The following COG5 variants were observed in gnomAD, a reference collection of about 807,000 sequenced individuals.
The protein encoded by COG5 is conserved oligomeric Golgi complex subunit 5.
COG5 carries 86 observed loss-of-function variants against 110.4 expected under a neutral mutation model. The ratio of observed to expected loss-of-function variants is 0.78; its 90% CI spans 0.65 to 0.93. COG5 has a LOEUF of 0.93. Ranked by LOEUF, COG5 falls within the 40% of genes least tolerant of loss-of-function variation. The pLI is 0.00. For synonymous variants in COG5, 360 were observed against 334.6 expected (o/e 1.08, Z -0.83); for missense variants, 1,077 against 987.0 (o/e 1.09, Z -1.22).
chr7:107,404,690 G>C (rs1451645307), intron 7 of COG5, among the ~76,000 whole-genome samples: 1 of 151,866 alleles, frequency 6.6e-6, no homozygotes, highest in Non-Finnish European at 1.5e-5. Context: ...GACAGTATAA[G>C]GGAAATGAGG....
chr7:107,310,819 G>A (rs1306794604), intron 11 of COG5, among the ~76,000 whole-genome samples: 1 of 152,128 alleles, frequency 6.6e-6, no homozygotes, highest in African/African-American at 2.4e-5. Flanking sequence ...ACAAAGGCCT[G>A]TCAGCAATGG....
chr7:107,510,463 C>T (rs534462723), intron 6 of COG5, among the ~76,000 whole-genome samples: 62 of 152,266 alleles, frequency 4.1e-4, no homozygotes, highest in African/African-American at 1.3e-3. Flanking sequence ...ACTTTAACAA[C>T]CCACTGTCAA....
At chr7:107,488,737 C>G (rs771726906) in intron 6 of COG5, among the ~76,000 whole-genome samples, 1 of 152,034 alleles carries the variant, frequency 6.6e-6, no homozygotes, top group African/African-American at 2.4e-5. Flanking sequence ...GTACCAACTA[C>G]TCAAGAGCCT....
chr7:107,311,608 T>C (rs902345884), intron 11 of COG5, among the ~76,000 whole-genome samples: 1 of 150,758 alleles, frequency 6.6e-6, no homozygotes, highest in African/African-American at 2.4e-5. Flanking sequence ...TTAGCCAGGA[T>C]GGTCTCGATC....
At chr7:107,315,000 A>T (rs949661832) in intron 11 of COG5, among the ~76,000 whole-genome samples, 10 of 152,174 alleles carry the variant, frequency 6.6e-5, no homozygotes, top group South Asian at 2.1e-4. Context: ...GCTCATTAGA[A>T]CTATGTAACA....
intron 1 of COG5, among the ~76,000 whole-genome samples, chr7:107,562,044 G>A (rs992780905): frequency 3.9e-5 from 6 of 152,182 alleles, no homozygotes; most frequent in Non-Finnish European, 7.4e-5. Flanking sequence ...AAAAGGCAAG[G>A]GAAAAAAGGT....
intron 6 of COG5, among the ~76,000 whole-genome samples, chr7:107,457,362 G>GA (rs763355070): frequency 8.7e-3 from 564 of 64,614 alleles, no homozygotes; most frequent in African/African-American, 0.021. Flanking sequence ...GCTATGAGGA[G>GA]AAAAAAAAAA....
intron 6 of COG5, among the ~76,000 whole-genome samples, chr7:107,436,480 A>G (rs1353354603): frequency 6.6e-6 from 1 of 152,158 alleles, no homozygotes; most frequent in Non-Finnish European, 1.5e-5. Flanking sequence ...TTTAATGACT[A>G]CAGAGTTTCA....
At chr7:107,518,879 G>A (rs1800131615) in intron 6 of COG5, among the ~76,000 whole-genome samples, 1 of 152,174 alleles carries the variant, frequency 6.6e-6, no homozygotes, top group Non-Finnish European at 1.5e-5. Context: ...CCACAAGGCA[G>A]TTATTCTAAA....
Position 107,372,305 on chromosome 7 carries a change from T to G in COG5, c.835+290A>C, listed in dbSNP as rs73415489. ...ATAAGGATTTTAGAAGAAAAATATG[T>G]TCCTTGCCTTTTTATTTTTTATTTT... is the stretch of plus-strand genomic sequence containing the variant. On this transcript the variant is annotated intron_variant, in intron 8 of 21. Transcript: ENST00000297135. Among the ~76,000 whole-genome samples, 817 of 152,316 alleles carry G rather than the reference T, an allele frequency of 5.4e-3. 8 individuals are homozygous for G. Among genetic ancestry groups the G allele is most frequent in the African/African-American group, 0.019 (779 of 41,568 alleles).
chr7:107,424,505 C>CT (rs11376252), intron 6 of COG5, among the ~76,000 whole-genome samples: 22,864 of 135,930 alleles, frequency 0.17, 2,123 homozygotes, highest in Non-Finnish European at 0.22. Context: ...CTCAACAAAA[C>CT]TTTTTTTTTT....
chr7:107,456,861 T>C (rs191716943), intron 6 of COG5, among the ~76,000 whole-genome samples: 95 of 152,292 alleles, frequency 6.2e-4, no homozygotes, highest in Non-Finnish European at 5.0e-4. Context: ...AATATGGCTC[T>C]ATGAAGGAGT....
At chr7:107,562,785 G>T (rs914250329) in intron 1 of COG5, among the ~76,000 whole-genome samples, 14 of 152,166 alleles carry the variant, frequency 9.2e-5, no homozygotes, top group African/African-American at 3.4e-4. Context: ...TTAACAGTCA[G>T]AGAAAATAAA....
chr7:107,325,195 G>A (rs542920059), intron 10 of COG5, among the ~76,000 whole-genome samples: 85 of 152,274 alleles, frequency 5.6e-4, no homozygotes, highest in African/African-American at 1.9e-3. Flanking sequence ...AGTATCATTT[G>A]TTAAAGAAAG....
chr7:107,553,830 A>G (rs1026336368), intron 3 of COG5, among the ~76,000 whole-genome samples: 3 of 152,182 alleles, frequency 2.0e-5, no homozygotes, highest in Admixed American at 6.5e-5. Context: ...GGTATTGTTG[A>G]TGTTTTTATT....
chr7:107,507,286 CCTTTT>C (rs1287185120), intron 6 of COG5, among the ~76,000 whole-genome samples: 13 of 148,004 alleles, frequency 8.8e-5, no homozygotes, highest in African/African-American at 3.2e-4. Context: ...AATAAAACTT[CCTTTT>C]CTTTTCTTTT....
At chr7:107,485,636 G>T (rs1212048908) in intron 6 of COG5, among the ~76,000 whole-genome samples, 2 of 152,166 alleles carry the variant, frequency 1.3e-5, no homozygotes, top group East Asian at 1.9e-4. Flanking sequence ...AGTTACTATA[G>T]TATACAAGTC....
chr7:107,208,736 C>T, intron 21 of COG5: 1 of 985,420 alleles, frequency 1.0e-6, no homozygotes, highest in Non-Finnish European at 1.2e-6. Context: ...AGAGCAGGGT[C>T]CGAGCTAATC....
At chr7:107,495,547 C>T (rs1346653324) in intron 6 of COG5, among the ~76,000 whole-genome samples, 28 of 151,194 alleles carry the variant, frequency 1.9e-4, no homozygotes, top group Admixed American at 1.7e-3. Flanking sequence ...ATTTCACATG[C>T]AAATAAATGA....
Sources: allele counts gnomAD v4.1 joint callset (sites outside exome capture counted in the v4.1 genomes callset), GRCh38; gene constraint gnomAD v4.1.1; transcripts MANE v1.5; gene names NCBI Gene and HGNC (gene_info 2026-07-23, HGNC 2026-07-21).